The following WDFY4 variants were observed in gnomAD, a reference collection of about 807,000 sequenced individuals.
WDFY4 encodes WDFY family member 4, also known as WD repeat- and FYVE domain-containing protein 4.
A neutral mutation model predicts 351.9 loss-of-function variants in WDFY4; 169 were observed. The ratio of observed to expected loss-of-function variants is 0.48; its 90% CI spans 0.42 to 0.55. The LOEUF is 0.55. Among genes scored for constraint, WDFY4 ranks in the 20% least tolerant of loss-of-function variants. The pLI, the probability that WDFY4 is intolerant of heterozygous loss-of-function variation, is 0.00. For missense variants in WDFY4, 3,803 were observed against 3,935.6 expected (o/e 0.97, Z 0.90); for synonymous variants, 1,622 against 1,574.6 (o/e 1.03, Z -0.71).
At chr10:48,910,060 A>C in intron 47 of WDFY4, 1 of 599,802 alleles carries the variant, frequency 1.7e-6, no homozygotes, top group South Asian at 2.2e-5. Flanking sequence ...AGGTGGGCTA[A>C]AGCTAAGGGA....
chr10:48,873,374 G>T (rs1459267120), intron 40 of WDFY4, 117 bp from the exon 41 acceptor site: 3 of 1,147,864 alleles, frequency 2.6e-6, no homozygotes, highest in Non-Finnish European at 3.6e-6. Context: ...TAGAGAGAAG[G>T]TATCTTTCTC....
At chr10:48,928,779 A>G (rs1839803341) in intron 47 of WDFY4, among the ~76,000 whole-genome samples, 1 of 152,138 alleles carries the variant, frequency 6.6e-6, no homozygotes, top group African/African-American at 2.4e-5. Flanking sequence ...ACCGCCTATC[A>G]CCTGGGAAGG....
intron 27 of WDFY4, among the ~76,000 whole-genome samples, chr10:48,807,222 G>A (rs538305137): frequency 2.0e-5 from 3 of 152,274 alleles, no homozygotes; most frequent in East Asian, 3.9e-4. Context: ...TGAACAAATG[G>A]GTAATGGGCC....
Position 48,923,506 on chromosome 10 carries a change from A to ATATATATATATATGTATGTATG in WDFY4, c.7587-18293_7587-18292insATATATGTATGTATGTATATAT, listed in dbSNP as rs143983467. ...AACAAATAGTTTTTAGTATATATAT[A>ATATATATATATATGTATGTATG]TATATATGTCCCAAATACCGCATAG... is the stretch of plus-strand genomic sequence containing the variant. On this transcript the variant is annotated intron_variant, in intron 47 of 61. Coordinates refer to ENST00000325239, the MANE Select transcript of WDFY4 (RefSeq NM_001394531.1). Among the ~76,000 whole-genome samples the ATATATATATATATGTATGTATG allele has an allele frequency of 8.0e-4, 91 of 113,872 alleles. 3 individuals are homozygous for ATATATATATATATGTATGTATG. The highest frequency in any genetic ancestry group is 5.9e-3 in the East Asian group (20 of 3,372). The allele number at this position is 113,872 out of a possible 152,430, so 74.7% of individuals were successfully genotyped here.
Position 48,810,583 on chromosome 10 carries a change from T to C in WDFY4, c.4892T>C (p.Leu1631Pro). Residue 1631 changes from leucine (L) to proline (P), a missense_variant, in exon 29 of 62, where the codon CTG (leucine) becomes CCG (proline). Leu to Pro is a moderately conservative substitution (Grantham distance 98, BLOSUM62 -3). Around this residue, in one of 3 missense-constraint regions of WDFY4, gnomAD observed 3,054 missense variants for 3,148.6 expected, o/e 0.97. Coordinates refer to ENST00000325239, the MANE Select transcript of WDFY4 (RefSeq NM_001394531.1). ...GGGCCTGACTGGTTCCTGCTGCTCC[T>C]GCAGGGCCACCTGCATGCCAGCACC... is the stretch of plus-strand genomic sequence containing the variant. The part of the protein sequence containing the change: ...KLGPDWFLLL[L>P]QGHLHASTTV... 1 of 1,551,730 alleles carries C rather than the reference T, an allele frequency of 6.4e-7. No individual in the cohort carries two copies. Among genetic ancestry groups the C allele is most frequent in the Non-Finnish European group, 8.7e-7 (1 of 1,146,992 alleles).
At chr10:48,823,727 T>C (rs2067905229) in intron 35 of WDFY4, 10 of 993,128 alleles carry the variant, frequency 1.0e-5, no homozygotes, top group Non-Finnish European at 9.6e-6. Flanking sequence ...ATCCCAAACA[T>C]AGGTGCCAGT....
chr10:48,778,936 G>A, intron 18 of WDFY4, 104 bp downstream of exon 18: 1 of 1,269,130 alleles, frequency 7.9e-7, no homozygotes, highest in Non-Finnish European at 1.1e-6. Context: ...GTGACCTTCT[G>A]TTTCTCCTCA....
intron 25 of WDFY4, among the ~76,000 whole-genome samples, chr10:48,803,714 A>G (rs1311017284): frequency 2.0e-5 from 3 of 152,116 alleles, no homozygotes; most frequent in Admixed American, 1.3e-4. Flanking sequence ...TACAACTCAA[A>G]CCAGCTTAAG....
intron 39 of WDFY4, among the ~76,000 whole-genome samples, chr10:48,835,109 C>T (rs1463388801): frequency 6.6e-6 from 1 of 152,136 alleles, no homozygotes; most frequent in East Asian, 1.9e-4. Flanking sequence ...TACTCTGTAC[C>T]CTGCTCTCAG....
intron 47 of WDFY4, among the ~76,000 whole-genome samples, chr10:48,919,041 G>A (rs1405154406): frequency 6.6e-6 from 1 of 152,102 alleles, no homozygotes; most frequent in Non-Finnish European, 1.5e-5. Context: ...AGTACATATG[G>A]AATATCCACT....
At chr10:48,929,718 G>T (rs1182614966) in intron 47 of WDFY4, among the ~76,000 whole-genome samples, 1 of 152,110 alleles carries the variant, frequency 6.6e-6, no homozygotes, top group African/African-American at 2.4e-5. Flanking sequence ...ATTTCTTCTT[G>T]GATGATGATA....
chr10:48,943,984 C>T (rs764332168), intron 49 of WDFY4, among the ~76,000 whole-genome samples: 2 of 152,196 alleles, frequency 1.3e-5, no homozygotes, highest in Non-Finnish European at 2.9e-5. Context: ...ACACAACTAA[C>T]ATAGTTGCTA....
At chr10:48,914,300 C>A (rs74684165) in intron 47 of WDFY4, 2 of 853,944 alleles carry the variant, frequency 2.3e-6, no homozygotes, top group African/African-American at 1.7e-5. Flanking sequence ...CACGTCATGA[C>A]GCTTTGCTCT....
intron 39 of WDFY4, among the ~76,000 whole-genome samples, chr10:48,851,192 G>A (rs2068945466): frequency 6.6e-6 from 1 of 152,162 alleles, no homozygotes; most frequent in African/African-American, 2.4e-5. Flanking sequence ...GGGTCAGGAT[G>A]GTGTCCACCC....
chr10:48,901,553 A>G (rs1459950878), intron 46 of WDFY4, among the ~76,000 whole-genome samples: 1 of 152,182 alleles, frequency 6.6e-6, no homozygotes, highest in East Asian at 1.9e-4. Context: ...TACCTCACAC[A>G]CACTGCCTAA....
At position 48,803,672 on chromosome 10, in the gene WDFY4, TC is replaced by T. The variant is rs542774179; in HGVS notation, c.4484+314del. Among the ~76,000 whole-genome samples, 4 of 152,226 alleles carry T rather than the reference TC, an allele frequency of 2.6e-5. No homozygotes were observed. The East Asian group carries it at 7.7e-4, about 29-fold the overall frequency. ...TTCTCCAAGGCACTTTTGGAATTAG[TC>T]AGGGCTCTTTTACCCTTCAAGTGGT... On this transcript the variant is annotated intron_variant, in intron 25 of 61. Coordinates refer to ENST00000325239, the MANE Select transcript of WDFY4 (RefSeq NM_001394531.1).
At chr10:48,923,611 G>A (rs1471571490) in intron 47 of WDFY4, among the ~76,000 whole-genome samples, 2 of 151,352 alleles carry the variant, frequency 1.3e-5, no homozygotes, top group Admixed American at 1.3e-4. Flanking sequence ...CATTATTAGT[G>A]CTTACTCATG....
At chr10:48,744,635 A>T (rs2064955492) in intron 12 of WDFY4, among the ~76,000 whole-genome samples, 1 of 152,226 alleles carries the variant, frequency 6.6e-6, no homozygotes, top group Non-Finnish European at 1.5e-5. Context: ...CTTCTATGCT[A>T]CTGAAGAGTT....
rs1378713519 is a variant in WDFY4 at position 48,727,598 on chromosome 10, G to A, written c.910G>A (p.Ala304Thr). ...GAAGGACTCCTACCCCGTCTCCTCG[G>A]CTCTGTTCCTGGAGTTTGAGAATTC... ...FVKDSYPVSSALFLEFENSEG... is the reference protein window; with the variant it reads ...FVKDSYPVSSTLFLEFENSEG... Residue 304 changes from alanine (A) to threonine (T), a missense_variant, in exon 7 of 62, where the codon GCT becomes ACT. Ala to Thr is a moderately conservative substitution (Grantham distance 58). Transcript: ENST00000325239. 6.4e-7 allele frequency: 1 copy of A among 1,551,994 alleles called. No homozygotes were observed. The highest frequency in any genetic ancestry group is 2.0e-5 in the Admixed American group (1 of 51,008).
Sources: gnomAD v4.1 joint callset for allele counts (sites outside exome capture counted in the v4.1 genomes callset) on GRCh38, gnomAD v4.1.1 for gene constraint, gnomAD v4.1.1 regional missense constraint, MANE v1.5 for transcripts, NCBI Gene and HGNC (gene_info 2026-07-23, HGNC 2026-07-21) for gene names.